SPAST: variants seen among roughly 807,000 people sequenced by gnomAD.
SPAST encodes spastic paraplegia 4 (autosomal dominant; spastin).
Under a neutral mutation model 76.6 loss-of-function variants are expected in SPAST, and 30 were observed. The observed-to-expected ratio is 0.39, with a 90% confidence interval of 0.29 to 0.53. SPAST has a LOEUF of 0.53. Among genes scored for constraint, SPAST ranks in the 20% least tolerant of loss-of-function variants. The pLI is 0.68. For missense variants in SPAST, 717 were observed against 770.5 expected, an observed-to-expected ratio of 0.93 and a Z score of 0.82; for synonymous variants, 305 against 281.0, an observed-to-expected ratio of 1.09 and a Z score of -0.86.
At chr2:32,129,150 A>G (rs973140445) in intron 9 of SPAST, 2 of 152,392 alleles carry the variant, frequency 1.3e-5, no homozygotes, top group African/African-American at 4.8e-5. Flanking sequence ...ATTTTATCTC[A>G]AGGAGCCACC....
rs911769775 is a variant in SPAST, at chr2:32,063,954, G to T, written c.123G>T (p.Pro41=). The change falls in exon 1 of 17, where the codon CCG becomes CCT. Residue 41 remains proline (P), a synonymous_variant. Transcript: ENST00000315285. ...CTCCCGCCGCCGGGCCGGCCCCTCC[G>T]CCCGAGTCGCCGCATAAGCGGAACC... The part of the protein sequence containing the change: ...PAPPAAGPAP[P]PESPHKRNLY... 4 of 1,605,656 alleles carry T rather than the reference G, an allele frequency of 2.5e-6. No homozygotes were observed. Among genetic ancestry groups the T allele is most frequent in the East Asian group, 2.2e-5 (1 of 44,536 alleles).
chr2:32,136,823 A>T, intron 10 of SPAST, 54 bp from the exon 11 acceptor site: 4 of 1,399,220 alleles, frequency 2.9e-6, no homozygotes, highest in Non-Finnish European at 4.1e-6. Flanking sequence ...TTAATCTCAG[A>T]TGACTCACAT....
chr2:32,112,414 C>A (rs1354178292), intron 4 of SPAST, among the ~76,000 whole-genome samples: 1 of 138,662 alleles, frequency 7.2e-6, no homozygotes, highest in Non-Finnish European at 1.5e-5. Context: ...ATGGAGTGAT[C>A]TTGGCTCACC....
rs1225149858 is a variant in SPAST, at chr2:32,115,583, T to G, written c.871-119T>G. The G allele has an allele frequency of 1.1e-5, 8 of 734,670 alleles. No homozygotes were observed. The South Asian group carries it at 1.6e-4, about 14-fold the overall frequency. The allele number at this position is 734,670 out of a possible 1,614,324, so 45.5% of individuals were successfully genotyped here. On this transcript the variant is annotated intron_variant, in intron 5 of 16. Transcript: ENST00000315285. Reference sequence around the variant, plus strand: ...GGTAAATAAATATACAATTTATGGATTTTTATACCCTTTTTCCTATTTTTA... The same window carrying G: ...GGTAAATAAATATACAATTTATGGAGTTTTATACCCTTTTTCCTATTTTTA...
Position 32,089,531 on chromosome 2 carries a change from G to A in SPAST, c.512G>A (p.Cys171Tyr). The part of the protein sequence containing the change: ...AVIVTGQGEQ[C>Y]ERARRLQAKM... ...AATTTTTTTCTTTCAGGTGAACAGT[G>A]TGAAAGAGCTAGACGCCTTCAAGCT... The change falls in exon 3 of 17, where the codon TGT becomes TAT. Residue 171 changes from cysteine (C) to tyrosine (Y), a missense_variant. Physicochemically the swap from Cys to Tyr is radical, Grantham distance 194. This residue lies in a region of SPAST where 543 missense variants were observed against 445.2 expected (regional missense o/e 1.22). Coordinates refer to ENST00000315285, the MANE Select transcript of SPAST (RefSeq NM_014946.4). 1 of 1,586,778 alleles carries A rather than the reference G, an allele frequency of 6.3e-7. No homozygotes were observed. Among genetic ancestry groups the A allele is most frequent in the African/African-American group, 1.3e-5 (1 of 74,480 alleles).
At chr2:32,140,485 G>A (rs1679679937) in intron 12 of SPAST, among the ~76,000 whole-genome samples, 1 of 152,016 alleles carries the variant, frequency 6.6e-6, no homozygotes, top group Admixed American at 6.6e-5. Context: ...TTAGCTGGGT[G>A]TGGTCACACA....
intron 4 of SPAST, among the ~76,000 whole-genome samples, chr2:32,106,376 T>C (rs1678320209): frequency 6.6e-6 from 1 of 152,202 alleles, no homozygotes. Context: ...TTCCCTTGGC[T>C]AGGAGAGGGA....
chr2:32,064,568 C>G (rs999246719), intron 1 of SPAST, among the ~76,000 whole-genome samples: 8 of 152,188 alleles, frequency 5.3e-5, no homozygotes, highest in Admixed American at 2.0e-4. Context: ...CACACTGATC[C>G]TTTCTAGCAC....
At chr2:32,066,973 AAAAAAAAAAAAAAAAAAAACC>A (rs1005447506) in intron 1 of SPAST, among the ~76,000 whole-genome samples, 24 of 4,182 alleles carry the variant, frequency 5.7e-3, no homozygotes, top group Admixed American at 0.022. Context: ...AAACTGTCTC[AAAAAAAAAAAAAAAAAAAACC>A]AAAAAAAAAA....
rs185915180 is a variant in SPAST at position 32,142,476 on chromosome 2, G to A, written c.1536+530G>A. Reference sequence around the variant, plus strand: ...GTCGCTCAGGCTGGAGTGCAGTGGCGTGATCTCGGCTCACTGCAACCTTCA... The same window carrying A: ...GTCGCTCAGGCTGGAGTGCAGTGGCATGATCTCGGCTCACTGCAACCTTCA... On this transcript the variant is annotated intron_variant, in intron 13 of 16. Coordinates refer to ENST00000315285, the MANE Select transcript of SPAST (RefSeq NM_014946.4). Among the ~76,000 whole-genome samples, 8 of 152,152 alleles carry A rather than the reference G, an allele frequency of 5.3e-5. No homozygotes were observed. In the South Asian group the frequency reaches 1.0e-3, roughly 20 times the overall value.
At position 32,156,587 on chromosome 2, in the gene SPAST, T is replaced by G. The variant is rs1680261832; in HGVS notation, c.*2091T>G. 6.6e-6 allele frequency: 1 copy of G among 152,206 alleles called. No individual in the cohort carries two copies. The highest frequency in any genetic ancestry group is 6.5e-5 in the Admixed American group (1 of 15,276). 9.4% of individuals were successfully genotyped at this position (152,206 alleles called of 1,614,324 possible). A position where few individuals can be genotyped will look rare whatever the true frequency, so the allele number is the denominator to read the frequency against. Reference sequence around the variant, plus strand: ...AAAGGTAGTAATGAAATATATATGATGAAAAGAATTGAGAAGTTCTAAATT... The same window carrying G: ...AAAGGTAGTAATGAAATATATATGAGGAAAAGAATTGAGAAGTTCTAAATT... On this transcript the variant is annotated 3_prime_UTR_variant, in exon 17 of 17. Coordinates refer to ENST00000315285, the MANE Select transcript of SPAST (RefSeq NM_014946.4).
intron 7 of SPAST, among the ~76,000 whole-genome samples, chr2:32,116,482 G>A (rs1037939784): frequency 6.6e-6 from 1 of 152,114 alleles, no homozygotes; most frequent in African/African-American, 2.4e-5. Flanking sequence ...TTGTTTTGGA[G>A]ACGGAGTCTC....
chr2:32,082,378 A>G (rs1305082849), intron 1 of SPAST, among the ~76,000 whole-genome samples: 1 of 152,124 alleles, frequency 6.6e-6, no homozygotes. Context: ...CTTATACATT[A>G]AATGTTGGAA....
In SPAST at chr2:32,070,303, A is replaced by G. The variant is rs1676696428; in HGVS notation, c.415+6057A>G. ...GGCTGATCTCGAACTCCTGACCTGA[A>G]GTGATCCGCCTGCCTCAGCCTCCCA... On this transcript the variant is annotated intron_variant, in intron 1 of 16. Coordinates refer to ENST00000315285, the MANE Select transcript of SPAST (RefSeq NM_014946.4). Among the ~76,000 whole-genome samples the G allele has an allele frequency of 4.0e-5, 6 of 151,836 alleles. 1 individual carries two copies. The South Asian group carries it at 1.3e-3, about 32-fold the overall frequency.
chr2:32,093,331 AAAT>A (rs1677796868), intron 3 of SPAST, among the ~76,000 whole-genome samples: 1 of 151,252 alleles, frequency 6.6e-6, no homozygotes, highest in Admixed American at 6.6e-5. Flanking sequence ...AAAAAAAAAA[AAAT>A]AGCCGGGCAT....
intron 3 of SPAST, among the ~76,000 whole-genome samples, chr2:32,097,763 A>G (rs1573086188): frequency 6.9e-6 from 1 of 143,888 alleles, no homozygotes; most frequent in East Asian, 2.0e-4. Context: ...GCACAATCTC[A>G]GCTCACTGCA....
intron 1 of SPAST, among the ~76,000 whole-genome samples, chr2:32,085,572 C>T (rs924013912): frequency 6.6e-6 from 1 of 152,096 alleles, no homozygotes; most frequent in Non-Finnish European, 1.5e-5. Context: ...CACCTACTGT[C>T]AACCAGCCGT....
In SPAST at chr2:32,135,000, G is replaced by A. The variant is rs181529038; in HGVS notation, c.1246-1563G>A. Among the ~76,000 whole-genome samples, 317 of 151,476 alleles carry A rather than the reference G, an allele frequency of 2.1e-3. 1 individual carries two copies. Among genetic ancestry groups the A allele is most frequent in the Non-Finnish European group, 3.6e-3 (246 of 67,796 alleles). ...CATGAGCCACCGCACCCGGCCTCTA[G>A]CGTAACTTTTACATCCTGAACTGAC... On this transcript the variant is annotated intron_variant, in intron 9 of 16. Transcript: ENST00000315285.
At chr2:32,093,530 C>A (rs1018792958) in intron 3 of SPAST, among the ~76,000 whole-genome samples, 11 of 152,072 alleles carry the variant, frequency 7.2e-5, no homozygotes, top group Non-Finnish European at 1.5e-4. Context: ...TCCTAATCTC[C>A]CTTACTGTGT....
Sources: gnomAD v4.1 joint callset for allele counts (sites outside exome capture counted in the v4.1 genomes callset) on GRCh38, gnomAD v4.1.1 for gene constraint, gnomAD v4.1.1 regional missense constraint, MANE v1.5 for transcripts, NCBI Gene and HGNC (gene_info 2026-07-23, HGNC 2026-07-21) for gene names.